Variants in CENPE observed in about 807,000 individuals in gnomAD.
The protein encoded by CENPE is centromere-associated protein E.
In CENPE, 145 loss-of-function variants were observed where a neutral mutation model predicts 336.1. The ratio of observed to expected loss-of-function variants is 0.43; its 90% CI spans 0.38 to 0.50. The LOEUF (loss-of-function observed/expected upper bound fraction) is 0.50. Ranked by LOEUF, CENPE falls within the 20% of genes least tolerant of loss-of-function variation. The pLI is 0.00. For missense variants in CENPE, 2,719 were observed against 3,023.3 expected (o/e 0.90, Z 2.36); for synonymous variants, 1,013 against 984.8 (o/e 1.03, Z -0.54).
At chr4:103,115,022 A>AT (rs562453246) in intron 45 of CENPE, among the ~76,000 whole-genome samples, 121 of 152,300 alleles carry the variant, frequency 7.9e-4, no homozygotes, top group African/African-American at 2.7e-3. Context: ...AGAAAGAGAC[A>AT]TTTTATGAGT....
chr4:103,192,146 C>A (rs1435310944), intron 8 of CENPE, among the ~76,000 whole-genome samples: 1 of 151,948 alleles, frequency 6.6e-6, no homozygotes, highest in African/African-American at 2.4e-5. Flanking sequence ...CAAAGCTTTA[C>A]GTTATTTCTC....
In CENPE at chr4:103,163,468, T is replaced by G. The variant is rs1286086850; in HGVS notation, c.1722+11A>C. On this transcript the variant is annotated intron_variant, in intron 17 of 48. Coordinates refer to ENST00000265148, the MANE Select transcript of CENPE (RefSeq NM_001813.3). ...TTGCTTATCAATAGAAATACCAACA[T>G]GAATGCTCACCTCAAGATCTTGATT... 1 of 1,572,230 alleles carries G rather than the reference T, an allele frequency of 6.4e-7. No individual in the cohort carries two copies. The highest frequency in any genetic ancestry group is 8.7e-7 in the Non-Finnish European group (1 of 1,147,940).
chr4:103,142,247 TTG>T (rs1425509049), intron 34 of CENPE, among the ~76,000 whole-genome samples: 3 of 152,234 alleles, frequency 2.0e-5, no homozygotes, highest in Non-Finnish European at 4.4e-5. Flanking sequence ...TATGTATACG[TTG>T]TGTTTGTATA....
In CENPE at chr4:103,158,825, T is replaced by G; in HGVS notation, c.2663A>C (p.Glu888Ala). 1 of 1,612,700 alleles carries G rather than the reference T, an allele frequency of 6.2e-7. No homozygotes were observed. Among genetic ancestry groups the G allele is most frequent in the Non-Finnish European group, 8.5e-7 (1 of 1,179,394 alleles). The change falls in exon 23 of 49, where the codon GAG (glutamate) becomes GCG (alanine). Residue 888 changes from glutamate to alanine, a missense_variant. By Grantham distance (107) the Glu-to-Ala change is moderately radical. This residue lies in a region of CENPE where 2,437 missense variants were observed against 2,513.3 expected (regional missense o/e 0.97). Coordinates refer to ENST00000265148, the MANE Select transcript of CENPE (RefSeq NM_001813.3). ...TAATTGTTCCTTCAGCTGTTCCATC[T>G]CATTTAGTCTTTCTTGAACCTCACG... ...KTREVQERLNEMEQLKEQLEN... is the reference protein window; with the variant it reads ...KTREVQERLNAMEQLKEQLEN...
At position 103,110,906 on chromosome 4, in the gene CENPE, T is replaced by A. The variant is rs1343081702; in HGVS notation, c.7646A>T (p.His2549Leu). ...NTKALILKSE[H>L]IRLEKEISKL... Reference sequence around the variant, plus strand: ...AGAAATTTCTTTTTCTAGCCTTATATGTTCACTTTTCAAAATAAGAGCTTT... The same window carrying A: ...AGAAATTTCTTTTTCTAGCCTTATAAGTTCACTTTTCAAAATAAGAGCTTT... The change falls in exon 47 of 49, where the codon CAT (histidine) becomes CTT (leucine). Residue 2549 changes from histidine to leucine, a missense_variant. By Grantham distance (99) the His-to-Leu change is moderately conservative. This residue lies in a region of CENPE where 2,437 missense variants were observed against 2,513.3 expected (regional missense o/e 0.97). Transcript: ENST00000265148. 5.0e-6 allele frequency: 8 copies of A among 1,612,102 alleles called. No individual in the cohort carries two copies. Among genetic ancestry groups the A allele is most frequent in the Admixed American group, 3.3e-5 (2 of 59,706 alleles).
chr4:103,125,345 C>A (rs1417769139), intron 42 of CENPE, among the ~76,000 whole-genome samples: 1 of 152,074 alleles, frequency 6.6e-6, no homozygotes, highest in Non-Finnish European at 1.5e-5. Context: ...ACATGTTTTA[C>A]CAATGAAACA....
At chr4:103,113,469 T>C (rs1412957763) in intron 46 of CENPE, among the ~76,000 whole-genome samples, 1 of 141,388 alleles carries the variant, frequency 7.1e-6, no homozygotes, top group African/African-American at 2.6e-5. Context: ...ATATATAATA[T>C]ATAACTTATA....
At chr4:103,174,670 G>T in intron 16 of CENPE, 66 bp downstream of exon 16, 1 of 1,164,816 alleles carries the variant, frequency 8.6e-7, no homozygotes, top group Non-Finnish European at 1.2e-6. Flanking sequence ...TTACATTATA[G>T]AAAAAAGAGA....
intron 5 of CENPE, 87 bp downstream of exon 5, chr4:103,195,027 A>C (rs1213983096): frequency 5.7e-6 from 7 of 1,227,328 alleles, no homozygotes; most frequent in Non-Finnish European, 7.7e-6. Context: ...GACACTTTAA[A>C]AACTATAGAA....
At chr4:103,163,608 C>CAAAAAAAAAAAAAAAAAAAAAAAG (rs11315612) in intron 16 of CENPE, 55 bp from the exon 17 acceptor site, 8 of 280,022 alleles carry the variant, frequency 2.9e-5, no homozygotes, top group Admixed American at 7.4e-5. Flanking sequence ...TAAAGCAAAG[C>CAAAAAAAAAAAAAAAAAAAAAAAG]AAAAAAAAAA....
At chr4:103,136,044 AC>A in intron 40 of CENPE, 96 bp downstream of exon 40, 1 of 1,000,152 alleles carries the variant, frequency 1.0e-6, no homozygotes, top group Non-Finnish European at 1.5e-6. Context: ...TAGTAAGAAT[AC>A]TAAATAGCAA....
In CENPE at chr4:103,174,813, TTTC is replaced by T. The variant is rs1231274044; in HGVS notation, c.1567_1569del (p.Glu523del). ...TTCTTTTCTTTTAATTTCAATTCCA[TTTC>T]TTCTTTTTCTGTTCGTAGTTGTTCA... On this transcript the variant is annotated inframe_deletion, in exon 16 of 49. Transcript: ENST00000265148. The T allele has an allele frequency of 4.5e-6, 7 of 1,550,186 alleles. No homozygotes were observed. The highest frequency in any genetic ancestry group is 1.4e-5 in the African/African-American group (1 of 72,010).
intron 14 of CENPE, among the ~76,000 whole-genome samples, chr4:103,176,688 T>C (rs1425892702): frequency 6.6e-6 from 1 of 152,188 alleles, no homozygotes; most frequent in South Asian, 2.1e-4. Context: ...GCCTCCCAAG[T>C]AGCCGGGATT....
intron 18 of CENPE, among the ~76,000 whole-genome samples, chr4:103,161,970 G>A (rs1471642602): frequency 2.0e-5 from 3 of 152,008 alleles, no homozygotes; most frequent in African/African-American, 7.2e-5. Flanking sequence ...AAGAGAAGTG[G>A]CATTTTAATA....
Position 103,196,809 on chromosome 4 carries a change from G to A in CENPE, c.98C>T (p.Thr33Ile), listed in dbSNP as rs1308199008. Residue 33 changes from threonine to isoleucine, a missense_variant, in exon 2 of 49, where the codon ACT (threonine) becomes ATT (isoleucine). By Grantham distance (89) the Thr-to-Ile change is moderately conservative. Transcript: ENST00000265148. Reference sequence around the variant, plus strand: ...AACTTGATAAATGACATTATTGTCAGTTTTCCAGTAAACTTGGGCAGTTTC... The same window carrying A: ...AACTTGATAAATGACATTATTGTCAATTTTCCAGTAAACTTGGGCAGTTTC... ...LGETAQVYWKTDNNVIYQVDG... is the reference protein window; with the variant it reads ...LGETAQVYWKIDNNVIYQVDG... 8 of 1,600,710 alleles carry A rather than the reference G, an allele frequency of 5.0e-6. No homozygotes were observed. The highest frequency in any genetic ancestry group is 3.4e-5 in the Admixed American group (2 of 59,492).
At chr4:103,163,998 C>G (rs1754698710) in intron 16 of CENPE, among the ~76,000 whole-genome samples, 1 of 152,072 alleles carries the variant, frequency 6.6e-6, no homozygotes, top group Non-Finnish European at 1.5e-5. Context: ...TATCCATCAG[C>G]TCTACATTAG....
intron 25 of CENPE, 66 bp from the exon 26 acceptor site, chr4:103,151,443 C>A: frequency 8.4e-7 from 1 of 1,193,014 alleles, no homozygotes; most frequent in Non-Finnish European, 1.1e-6. Context: ...TCAGGTAAAA[C>A]ATCAGCATTT....
intron 42 of CENPE, among the ~76,000 whole-genome samples, chr4:103,128,048 A>ATTAGAAAT (rs1751279070): frequency 1.3e-5 from 2 of 152,138 alleles, no homozygotes; most frequent in African/African-American, 4.8e-5. Flanking sequence ...CAATATAAGG[A>ATTAGAAAT]CACATAGATT....
In CENPE at chr4:103,123,062, C is replaced by T. The variant is rs748559290; in HGVS notation, c.6952G>A (p.Glu2318Lys). The change falls in exon 43 of 49, where the codon GAG becomes AAG. Residue 2318 changes from glutamate (E) to lysine (K), a missense_variant. This residue lies in a region of CENPE where 2,437 missense variants were observed against 2,513.3 expected (regional missense o/e 0.97). Transcript: ENST00000265148. ...IAIMNESTEF[E>K]ERSATISKEW... ...TTGGATATGGTAGCACTTCTTTCCT[C>T]AAACTCTGTTGATTCATTCATTATG... 4.3e-6 allele frequency: 7 copies of T among 1,613,678 alleles called. No homozygotes were observed. Among genetic ancestry groups the T allele is most frequent in the Non-Finnish European group, 5.9e-6 (7 of 1,179,798 alleles).
Sources: gnomAD v4.1 joint callset for allele counts (sites outside exome capture counted in the v4.1 genomes callset) on GRCh38, gnomAD v4.1.1 for gene constraint, gnomAD v4.1.1 regional missense constraint, MANE v1.5 for transcripts, NCBI Gene and HGNC (gene_info 2026-07-23, HGNC 2026-07-21) for gene names.